Variants in PATJ observed in about 807,000 individuals in gnomAD.
PATJ encodes inaD-like protein.
In PATJ, 190 loss-of-function variants were observed where a neutral mutation model predicts 224.9. The ratio of observed to expected loss-of-function variants is 0.84; its 90% CI spans 0.75 to 0.95. PATJ has a LOEUF of 0.95. Among genes scored for constraint, PATJ ranks in the 40% least tolerant of loss-of-function variants. The pLI is 0.00. For synonymous variants in PATJ, 769 were observed against 820.3 expected, an observed-to-expected ratio of 0.94 and a Z score of 1.07; for missense variants, 2,121 against 2,270.3, an observed-to-expected ratio of 0.93 and a Z score of 1.34.
At chr1:61,940,626 G>A (rs1677673549) in intron 27 of PATJ, among the ~76,000 whole-genome samples, 1 of 151,606 alleles carries the variant, frequency 6.6e-6, no homozygotes, top group South Asian at 2.1e-4. Context: ...TGAGGCTGGA[G>A]GATCACTTGA....
At chr1:61,874,609 A>T (rs1339704645) in intron 20 of PATJ, among the ~76,000 whole-genome samples, 2 of 152,206 alleles carry the variant, frequency 1.3e-5, no homozygotes, top group Non-Finnish European at 2.9e-5. Flanking sequence ...CTTGGGGGTT[A>T]GGATTTTAAC....
intron 7 of PATJ, among the ~76,000 whole-genome samples, chr1:61,777,518 G>T (rs1408047450): frequency 6.6e-6 from 1 of 151,976 alleles, no homozygotes; most frequent in African/African-American, 2.4e-5. Context: ...GGGCGACAGA[G>T]TAAGACCCTG....
At chr1:62,099,749 T>C (rs1253070082) in intron 33 of PATJ, among the ~76,000 whole-genome samples, 1 of 152,222 alleles carries the variant, frequency 6.6e-6, no homozygotes, top group African/African-American at 2.4e-5. Flanking sequence ...TATCTAGAAA[T>C]GTAAAATCTC....
chr1:61,777,874 A>ATTTATT (rs1647024742), intron 7 of PATJ, among the ~76,000 whole-genome samples: 1 of 151,158 alleles, frequency 6.6e-6, no homozygotes, highest in Admixed American at 6.6e-5. Context: ...TGCTAGGCTA[A>ATTTATT]TTTATTTTTA....
chr1:62,121,714 C>T (rs1461950460), intron 38 of PATJ, among the ~76,000 whole-genome samples: 1 of 151,388 alleles, frequency 6.6e-6, no homozygotes, highest in East Asian at 1.9e-4. Context: ...GTGGAGGTTG[C>T]AGTGAGCCAA....
intron 9 of PATJ, among the ~76,000 whole-genome samples, chr1:61,795,237 C>T (rs1650830625): frequency 6.6e-6 from 1 of 151,984 alleles, no homozygotes; most frequent in Admixed American, 6.6e-5. Flanking sequence ...CAGGGTTCCA[C>T]TACTGATTAT....
intron 31 of PATJ, among the ~76,000 whole-genome samples, chr1:62,067,098 G>T (rs1416008900): frequency 6.7e-6 from 1 of 150,060 alleles, no homozygotes; most frequent in Non-Finnish European, 1.5e-5. Context: ...AAGAGTTCAG[G>T]CCCCTCTCAT....
At chr1:61,824,367 CTTT>C (rs35999250) in intron 15 of PATJ, among the ~76,000 whole-genome samples, 1 of 135,178 alleles carries the variant, frequency 7.4e-6, no homozygotes, top group Non-Finnish European at 1.6e-5. Flanking sequence ...ACCCGGTCCA[CTTT>C]TTTTTTTTTT....
intron 7 of PATJ, among the ~76,000 whole-genome samples, chr1:61,783,745 C>CTTTTTTT (rs11372619): frequency 2.5e-5 from 3 of 117,864 alleles, no homozygotes; most frequent in Admixed American, 1.0e-4. Context: ...AGAGTTGCTA[C>CTTTTTTT]TTTTTTTTTT....
At chr1:62,044,056 T>C (rs1198518448) in intron 30 of PATJ, among the ~76,000 whole-genome samples, 4 of 152,226 alleles carry the variant, frequency 2.6e-5, no homozygotes, top group Non-Finnish European at 5.9e-5. Context: ...GTGTATGTTG[T>C]AGAATGGCTA....
intron 6 of PATJ, among the ~76,000 whole-genome samples, chr1:61,771,960 G>T (rs1432644415): frequency 6.6e-6 from 1 of 152,086 alleles, no homozygotes; most frequent in African/African-American, 2.4e-5. Context: ...GCCCTCAGGT[G>T]ATCCACCTGC....
chr1:62,038,356 C>A (rs1650837119), intron 30 of PATJ: 1 of 186,906 alleles, frequency 5.4e-6, no homozygotes, highest in Non-Finnish European at 1.1e-5. Flanking sequence ...TGAATTGTAC[C>A]CCTTTCTTTA....
chr1:61,841,409 T>C (rs1570825966), intron 17 of PATJ, among the ~76,000 whole-genome samples: 1 of 152,312 alleles, frequency 6.6e-6, no homozygotes, highest in East Asian at 1.9e-4. Context: ...TTGATAGGTA[T>C]TGATATAATT....
chr1:62,099,292 A>G (rs1003375147), intron 33 of PATJ, among the ~76,000 whole-genome samples: 3 of 148,714 alleles, frequency 2.0e-5, no homozygotes, highest in Non-Finnish European at 3.0e-5. Context: ...GATCCAAACC[A>G]TAGTTTTTTT....
chr1:62,123,148 G>C, intron 39 of PATJ, 90 bp downstream of exon 39: 1 of 872,842 alleles, frequency 1.1e-6, no homozygotes, highest in Non-Finnish European at 1.9e-6. Context: ...TTATTGGATT[G>C]TGAGTGTGCT....
chr1:62,117,335 C>A (rs1664550234), intron 37 of PATJ, 117 bp downstream of exon 37: 4 of 1,459,004 alleles, frequency 2.7e-6, no homozygotes, highest in African/African-American at 1.4e-5. Context: ...ATTCACAGCA[C>A]CAAGTTTAGT....
chr1:62,035,106 C>T (rs1650128908), intron 29 of PATJ, among the ~76,000 whole-genome samples: 1 of 152,150 alleles, frequency 6.6e-6, no homozygotes, highest in South Asian at 2.1e-4. Flanking sequence ...TGGGAAAATA[C>T]TGTTCTTTAC....
At position 61,968,327 on chromosome 1, in the gene PATJ, C is replaced by T. The variant is rs189882243; in HGVS notation, c.3671-21841C>T. On this transcript the variant is annotated intron_variant, in intron 27 of 43. Transcript: ENST00000642238. ...GGGTCTCCTTCACTCTCAGTTGTTT[C>T]GGCAAATGCAGAGCTTGATCACAAC... Among the ~76,000 whole-genome samples the T allele has an allele frequency of 4.1e-4, 63 of 152,190 alleles. 2 individuals carry two copies. The East Asian group carries it at 7.7e-3, about 19-fold the overall frequency.
At chr1:61,948,274 G>A (rs1423910549) in intron 27 of PATJ, among the ~76,000 whole-genome samples, 1 of 152,102 alleles carries the variant, frequency 6.6e-6, no homozygotes, top group Non-Finnish European at 1.5e-5. Context: ...GAGTGAACAG[G>A]CATCCTACAG....
Sources: allele counts gnomAD v4.1 joint callset (sites outside exome capture counted in the v4.1 genomes callset), GRCh38; gene constraint gnomAD v4.1.1; transcripts MANE v1.5; gene names NCBI Gene and HGNC (gene_info 2026-07-23, HGNC 2026-07-21).